LPCAT3: variants seen among roughly 807,000 people sequenced by gnomAD.
LPCAT3 encodes lysophosphatidylcholine acyltransferase 3.
Under a neutral mutation model 63.4 loss-of-function variants are expected in LPCAT3, and 21 were observed. The ratio of observed to expected loss-of-function variants is 0.33; its 90% confidence interval spans 0.23 to 0.48. The LOEUF (loss-of-function observed/expected upper bound fraction) is 0.48, where lower values mean the gene tolerates loss of function less well. LPCAT3 is among the 20% of genes least tolerant of loss of function. The pLI is 0.99. For missense variants in LPCAT3, 451 were observed against 590.6 expected, an observed-to-expected ratio of 0.76 and a Z score of 2.45; for synonymous variants, 242 against 227.5, an observed-to-expected ratio of 1.06 and a Z score of -0.58.
In LPCAT3 at chr12:7,018,192, A is replaced by C; in HGVS notation, c.151+82T>G. The C allele has an allele frequency of 1.3e-6, 2 of 1,510,638 alleles. No individual in the cohort carries two copies. Among genetic ancestry groups the C allele is most frequent in the East Asian group, 2.5e-5 (1 of 40,768 alleles). The allele number at this position is 1,510,638 out of a possible 1,614,324, so 93.6% of individuals were successfully genotyped here. On this transcript the variant is annotated intron_variant, in intron 1 of 12. Transcript: ENST00000261407. The surrounding 1 kb of genome is among the most constrained non-coding windows in gnomAD (Gnocchi z 4.9). ...CACAGCCCTCCCGGGTGGCTCCGGG[A>C]AGAGAGGGAGGTCCTGTCCCCATTC...
intron 1 of LPCAT3, among the ~76,000 whole-genome samples, chr12:6,993,402 C>G (rs1196324360): frequency 6.6e-6 from 1 of 151,688 alleles, no homozygotes; most frequent in Non-Finnish European, 1.5e-5. Flanking sequence ...CCACTGCACT[C>G]CAGCCTGGCA....
At chr12:6,989,867 G>C (rs1226718491) in intron 1 of LPCAT3, among the ~76,000 whole-genome samples, 1 of 152,108 alleles carries the variant, frequency 6.6e-6, no homozygotes, top group Non-Finnish European at 1.5e-5. Context: ...GAAATGGACT[G>C]TTTCCATTAA....
Position 6,983,433 on chromosome 12 carries a change from A to G in LPCAT3, c.258T>C (p.Phe86=), listed in dbSNP as rs782783975. 4.4e-6 allele frequency: 7 copies of G among 1,593,492 alleles called. No individual in the cohort carries two copies. The highest frequency in any genetic ancestry group is 3.3e-5 in the South Asian group (3 of 90,460). The part of the protein sequence containing the change: ...FTGLSIAYFN[F]GNQLYHSLLC... The stretch of plus-strand genomic sequence containing the variant: ...TCACTGCTAATTTAGTTTACTCACC[A>G]AAGTTAAAATAAGCAATTGAGAGGC... The change falls in exon 2 of 13, where the codon TTT becomes TTC. Residue 86 remains phenylalanine, a splice_region_variant and synonymous_variant. Coordinates refer to ENST00000261407, the MANE Select transcript of LPCAT3 (RefSeq NM_005768.6).
intron 1 of LPCAT3, among the ~76,000 whole-genome samples, chr12:7,005,728 GTC>G (rs1326696052): frequency 6.6e-6 from 1 of 152,146 alleles, no homozygotes; most frequent in Non-Finnish European, 1.5e-5. Context: ...CCATGTATAT[GTC>G]TCTTTTAGAG....
At position 6,983,431 on chromosome 12, in the gene LPCAT3, C is replaced by A; in HGVS notation, c.259+1G>T. 1.3e-6 allele frequency: 2 copies of A among 1,589,444 alleles called. No individual in the cohort carries two copies. Among genetic ancestry groups the A allele is most frequent in the Non-Finnish European group, 1.7e-6 (2 of 1,159,222 alleles). The stretch of plus-strand genomic sequence containing the variant: ...TGTCACTGCTAATTTAGTTTACTCA[C>A]CAAAGTTAAAATAAGCAATTGAGAG... On this transcript the variant is annotated splice_donor_variant, in intron 2 of 12. Coordinates refer to ENST00000261407, the MANE Select transcript of LPCAT3 (RefSeq NM_005768.6). LOFTEE classifies it high-confidence loss of function.
chr12:6,979,814 G>C (rs997760396), intron 6 of LPCAT3: 1 of 552,254 alleles, frequency 1.8e-6, no homozygotes, highest in African/African-American at 1.9e-5. Flanking sequence ...GCAGCAGACA[G>C]TGGACCAGTC....
chr12:6,984,933 T>C (rs1555154610), intron 1 of LPCAT3, among the ~76,000 whole-genome samples: 1 of 152,164 alleles, frequency 6.6e-6, no homozygotes, highest in African/African-American at 2.4e-5. Context: ...GTTTTTATCA[T>C]GGGCAATACA....
chr12:6,980,121 C>T (rs1266084017), intron 6 of LPCAT3, among the ~76,000 whole-genome samples: 1 of 150,574 alleles, frequency 6.6e-6, no homozygotes, highest in African/African-American at 2.5e-5. Context: ...AGTCATTGCT[C>T]GCTGTGGCCT....
At chr12:6,993,706 G>C (rs1671206405) in intron 1 of LPCAT3, among the ~76,000 whole-genome samples, 1 of 152,208 alleles carries the variant, frequency 6.6e-6, no homozygotes, top group Non-Finnish European at 1.5e-5. Context: ...GTTGTAGCAT[G>C]TATCAGTACT....
intron 7 of LPCAT3, 99 bp downstream of exon 7, chr12:6,979,372 G>A: frequency 1.2e-6 from 1 of 866,148 alleles, no homozygotes; most frequent in Non-Finnish European, 1.9e-6. Context: ...TGCACTTGTA[G>A]ATGATATTTC....
chr12:6,987,904 C>T lies in LPCAT3; in HGVS notation c.152-4365G>A, dbSNP rs1946544032. The T allele has an allele frequency of 5.0e-6, 2 of 400,346 alleles. No homozygotes were observed. Among genetic ancestry groups the T allele is most frequent in the South Asian group, 2.5e-4 (2 of 7,918 alleles). 24.8% of individuals were successfully genotyped at this position (400,346 alleles called of 1,614,324 possible). A position where few individuals can be genotyped will look rare whatever the true frequency, so the allele number is the denominator to read the frequency against. On this transcript the variant is annotated intron_variant, in intron 1 of 12. Coordinates refer to ENST00000261407, the MANE Select transcript of LPCAT3 (RefSeq NM_005768.6). This position sits in a 1 kb window ranked among gnomAD's most constrained non-coding sequence, Gnocchi z 4.1. ...TGTCCTGAGTTCTGAGTTCTTGTGTCCACTTCTTATAGCCTGTCTGTCCCT... is the reference window on the plus strand; with the variant it reads ...TGTCCTGAGTTCTGAGTTCTTGTGTTCACTTCTTATAGCCTGTCTGTCCCT...
chr12:7,001,460 C>T (rs1208251265), intron 1 of LPCAT3: 5 of 456,048 alleles, frequency 1.1e-5, no homozygotes, highest in African/African-American at 4.0e-5. Context: ...CAGAATTCTG[C>T]GGGTAGGGGC....
In LPCAT3 at chr12:6,977,982, G is replaced by A; in HGVS notation, c.1041-237C>T. On this transcript the variant is annotated intron_variant, in intron 9 of 12. Coordinates refer to ENST00000261407, the MANE Select transcript of LPCAT3 (RefSeq NM_005768.6). This position sits in a 1 kb window ranked among gnomAD's most constrained non-coding sequence, Gnocchi z 4.5. Reference sequence around the variant, plus strand: ...ACTTGGTTCAGCAGCAGTGACTGAGGCTGATGCTGAGATCAGTGGTGAACC... The same window carrying A: ...ACTTGGTTCAGCAGCAGTGACTGAGACTGATGCTGAGATCAGTGGTGAACC... The A allele has an allele frequency of 1.7e-6, 1 of 574,258 alleles. No homozygotes were observed. Among genetic ancestry groups the A allele is most frequent in the East Asian group, 3.0e-5 (1 of 33,268 alleles). The allele number at this position is 574,258 out of a possible 1,614,324, so 35.6% of individuals were successfully genotyped here.
At chr12:7,006,361 GGT>G (rs1555156860) in intron 1 of LPCAT3, among the ~76,000 whole-genome samples, 6 of 152,168 alleles carry the variant, frequency 3.9e-5, no homozygotes, top group African/African-American at 1.2e-4. Context: ...TGGGATTACA[GGT>G]GTGTGCTACC....
intron 1 of LPCAT3, among the ~76,000 whole-genome samples, chr12:6,985,089 T>TAAAA (rs10559240): frequency 8.9e-6 from 1 of 112,606 alleles, no homozygotes; most frequent in South Asian, 3.1e-4. Context: ...CCCCATACAT[T>TAAAA]AAAAAAAAAA....
chr12:6,989,964 GGAGTTT>G (rs2138341620), intron 1 of LPCAT3, among the ~76,000 whole-genome samples: 1 of 151,910 alleles, frequency 6.6e-6, no homozygotes, highest in African/African-American at 2.4e-5. Flanking sequence ...CTGGAACCCA[GGAGTTT>G]GAGACCAGCC....
intron 1 of LPCAT3, chr12:6,988,019 C>T (rs991967161): frequency 2.6e-6 from 1 of 389,526 alleles, no homozygotes; most frequent in Non-Finnish European, 4.5e-6. Flanking sequence ...TTACGGCAGG[C>T]CTTAGAAACC....
At chr12:7,007,209 A>G (rs1344204679) in intron 1 of LPCAT3, among the ~76,000 whole-genome samples, 1 of 151,212 alleles carries the variant, frequency 6.6e-6, no homozygotes, top group Non-Finnish European at 1.5e-5. Context: ...ATGCCCGGCT[A>G]ATTTTTTGGA....
Position 6,977,800 on chromosome 12 carries a change from C to G in LPCAT3, c.1041-55G>C. On this transcript the variant is annotated intron_variant, in intron 9 of 12. Transcript: ENST00000261407. The surrounding 1 kb of genome is among the most constrained non-coding windows in gnomAD (Gnocchi z 4.5). ...CAAACTGACTGGTCCTTGCATCCCGCCACCTGCCTCTGGGTCCTCACCCTG... is the reference window on the plus strand; with the variant it reads ...CAAACTGACTGGTCCTTGCATCCCGGCACCTGCCTCTGGGTCCTCACCCTG... 8.7e-6 allele frequency: 14 copies of G among 1,603,494 alleles called. No homozygotes were observed. The highest frequency in any genetic ancestry group is 1.2e-5 in the Non-Finnish European group (14 of 1,172,988).
Sources: allele counts gnomAD v4.1 joint callset (sites outside exome capture counted in the v4.1 genomes callset), GRCh38; gene constraint gnomAD v4.1.1; non-coding constraint Gnocchi (gnomAD v3.1); transcripts MANE v1.5; gene names NCBI Gene and HGNC (gene_info 2026-07-23, HGNC 2026-07-21).